Variants in ANO4 observed in about 807,000 individuals in gnomAD.
ANO4 encodes anoctamin 4, also known as anoctamin-4.
In ANO4, 69 loss-of-function variants were observed where a neutral mutation model predicts 141.9. The ratio of observed to expected loss-of-function variants is 0.49; its 90% CI spans 0.40 to 0.59. ANO4 has a LOEUF of 0.59. ANO4 is among the 20% of genes least tolerant of loss of function. The pLI is 0.00. For synonymous variants in ANO4, 350 were observed against 394.3 expected, an observed-to-expected ratio of 0.89 and a Z score of 1.33; for missense variants, 894 against 1,162.2, an observed-to-expected ratio of 0.77 and a Z score of 3.36.
intron 3 of ANO4, among the ~76,000 whole-genome samples, chr12:100,742,289 T>C (rs1052777756): frequency 6.6e-6 from 1 of 152,182 alleles, no homozygotes; most frequent in Non-Finnish European, 1.5e-5. Flanking sequence ...TTTGATTTTT[T>C]AGAACAAATT....
intron 7 of ANO4, among the ~76,000 whole-genome samples, chr12:100,979,216 G>A (rs1057424118): frequency 6.6e-6 from 1 of 152,170 alleles, no homozygotes; most frequent in Non-Finnish European, 1.5e-5. Context: ...AATCAGAGAT[G>A]AGAATCAATT....
intron 1 of ANO4, among the ~76,000 whole-genome samples, chr12:100,835,746 G>A (rs2036878036): frequency 6.6e-6 from 1 of 151,992 alleles, no homozygotes; most frequent in Non-Finnish European, 1.5e-5. Context: ...CCATTGTATA[G>A]CAGCTGTAGA....
At chr12:100,840,319 T>G (rs2037173694) in intron 1 of ANO4, among the ~76,000 whole-genome samples, 1 of 152,150 alleles carries the variant, frequency 6.6e-6, no homozygotes, top group South Asian at 2.1e-4. Context: ...AGTTCTTAAT[T>G]ACAAATTAAA....
At chr12:100,822,844 A>T (rs7310397) in intron 1 of ANO4, among the ~76,000 whole-genome samples, 126,708 of 151,958 alleles carry the variant, frequency 0.83, 52,896 homozygotes, top group Admixed American at 0.88. Context: ...TAACTTTAGG[A>T]TTCTCATGTT....
In ANO4 at chr12:100,720,098, A is replaced by G. The variant is rs140813868; in HGVS notation, c.22+2551A>G. 2.6e-5 allele frequency among the ~76,000 whole-genome samples: 4 copies of G among 152,300 alleles called. No individual in the cohort carries two copies. In the East Asian group the frequency reaches 5.8e-4, roughly 22 times the overall value. ...ATTAAATAACCATGCGCATGAGACTAAGGATGGGAGACAAGTATTTTTTAG... is the reference window on the plus strand; with the variant it reads ...ATTAAATAACCATGCGCATGAGACTGAGGATGGGAGACAAGTATTTTTTAG... On this transcript the variant is annotated intron_variant, in intron 1 of 29. Coordinates refer to the ANO4 transcript ENST00000644049.
At chr12:101,027,696 G>C (rs1243471024) in intron 9 of ANO4, among the ~76,000 whole-genome samples, 1 of 152,192 alleles carries the variant, frequency 6.6e-6, no homozygotes, top group East Asian at 1.9e-4. Context: ...CAGAGACTCA[G>C]GGACAGAACC....
At chr12:100,919,615 T>G (rs2041512842) in intron 2 of ANO4, among the ~76,000 whole-genome samples, 1 of 151,802 alleles carries the variant, frequency 6.6e-6, no homozygotes, top group Non-Finnish European at 1.5e-5. Context: ...ACCAATGCAT[T>G]TCTCAGAAAG....
chr12:100,792,594 C>T (rs557346393), upstream of ANO4, among the ~76,000 whole-genome samples: 20 of 152,044 alleles, frequency 1.3e-4, no homozygotes, highest in South Asian at 1.2e-3. Context: ...ATAAAGAGAC[C>T]GAACTTTAAA....
In ANO4 at chr12:100,971,228, C is replaced by T. The variant is rs2043921469; in HGVS notation, c.457-78C>T. On this transcript the variant is annotated intron_variant, in intron 5 of 27. Transcript: ENST00000392977. ...ATCATAAACTCTGTCCAGGTCCATG[C>T]ATTCTAAGTTCCAACTCAACTTAAA... 1.6e-5 allele frequency: 15 copies of T among 964,444 alleles called. 1 individual carries two copies. Among genetic ancestry groups the T allele is most frequent in the South Asian group, 9.0e-5 (6 of 66,356 alleles). 59.7% of individuals were successfully genotyped at this position (964,444 alleles called of 1,614,324 possible).
At chr12:101,024,235 A>G (rs1321717822) in intron 9 of ANO4, among the ~76,000 whole-genome samples, 1 of 152,218 alleles carries the variant, frequency 6.6e-6, no homozygotes, top group African/African-American at 2.4e-5. Context: ...TAAAGTGAAA[A>G]AGATTTCAAA....
rs373044334 is a variant in ANO4, at chr12:100,971,546, C to T, written c.557+140C>T. 1.4e-5 allele frequency: 7 copies of T among 517,134 alleles called. No individual in the cohort carries two copies. In the South Asian group the frequency reaches 3.4e-4, roughly 25 times the overall value. 32.0% of individuals were successfully genotyped at this position (517,134 alleles called of 1,614,324 possible). On this transcript the variant is annotated intron_variant, in intron 6 of 27. Transcript: ENST00000392977. ...GAATCTTTCAAATGTTTAGGATATG[C>T]AAATAAGCCTTCATGGCCAATAATG...
intron 8 of ANO4, among the ~76,000 whole-genome samples, chr12:100,993,766 G>T (rs191844599): frequency 1.6e-4 from 25 of 152,234 alleles, no homozygotes; most frequent in Non-Finnish European, 3.2e-4. Flanking sequence ...CACACATTTC[G>T]TAGTCTAGAG....
At chr12:101,109,686 T>C (rs529653646) in intron 22 of ANO4, among the ~76,000 whole-genome samples, 1 of 152,346 alleles carries the variant, frequency 6.6e-6, no homozygotes, top group South Asian at 2.1e-4. Flanking sequence ...AATATCCTAG[T>C]TTCTTCAATA....
intron 1 of ANO4, among the ~76,000 whole-genome samples, chr12:100,719,820 T>C (rs1047329052): frequency 1.3e-5 from 2 of 152,238 alleles, no homozygotes; most frequent in Non-Finnish European, 2.9e-5. Flanking sequence ...CCTGCTCTTT[T>C]TGTCTTTTGA....
chr12:100,770,242 C>T (rs945702885), intron 3 of ANO4, among the ~76,000 whole-genome samples: 3 of 152,102 alleles, frequency 2.0e-5, no homozygotes, highest in African/African-American at 7.2e-5. Context: ...AGTGCTTGTT[C>T]ATGTGGACTC....
chr12:101,033,258 A>C (rs1303633664), intron 9 of ANO4, among the ~76,000 whole-genome samples: 5 of 148,288 alleles, frequency 3.4e-5, no homozygotes, highest in Admixed American at 2.0e-4. Context: ...ATAGGTGGGA[A>C]TTGAACAATG....
chr12:100,787,288 G>T (rs1196655101), intron 3 of ANO4, among the ~76,000 whole-genome samples: 1 of 152,188 alleles, frequency 6.6e-6, no homozygotes. Context: ...AATAAATAAG[G>T]ATTCACAGGA....
At chr12:101,037,449 T>A (rs998968905) in intron 10 of ANO4, among the ~76,000 whole-genome samples, 1 of 152,222 alleles carries the variant, frequency 6.6e-6, no homozygotes, top group Non-Finnish European at 1.5e-5. Flanking sequence ...ACAATTTGCA[T>A]GAGGCACCAA....
intron 1 of ANO4, among the ~76,000 whole-genome samples, chr12:100,868,468 AGATTTT>A (rs1213242230): frequency 6.6e-6 from 1 of 152,130 alleles, no homozygotes; most frequent in Non-Finnish European, 1.5e-5. Flanking sequence ...CTGTGGAATA[AGATTTT>A]GATTACCACT....
Sources: allele counts gnomAD v4.1 joint callset (sites outside exome capture counted in the v4.1 genomes callset), GRCh38; gene constraint gnomAD v4.1.1; transcripts MANE v1.5; gene names NCBI Gene and HGNC (gene_info 2026-07-23, HGNC 2026-07-21).